The following EFHC1 variants were observed in gnomAD, a reference collection of about 807,000 sequenced individuals.
EFHC1 encodes EF-hand domain-containing protein 1.
In EFHC1, 53 loss-of-function variants were observed where a neutral mutation model predicts 69.9. The ratio of observed to expected loss-of-function variants is 0.76; its 90% CI spans 0.61 to 0.95. The LOEUF is 0.95. Ranked by LOEUF, EFHC1 falls within the 40% of genes least tolerant of loss-of-function variation. EFHC1 has a pLI of 0.00. For missense variants in EFHC1, 739 were observed against 798.7 expected, an observed-to-expected ratio of 0.93 and a Z score of 0.90; for synonymous variants, 256 against 278.4, an observed-to-expected ratio of 0.92 and a Z score of 0.80.
intron 3 of EFHC1, among the ~76,000 whole-genome samples, 196 bp from the exon 4 acceptor site, chr6:52,452,490 CAG>C (rs1764936148): frequency 6.6e-6 from 1 of 152,106 alleles, no homozygotes; most frequent in African/African-American, 2.4e-5. Flanking sequence ...TTTGTAGAAA[CAG>C]GGTCTCACTA....
rs201185118 is a variant in EFHC1, at chr6:52,420,485, T to G, written c.63+12T>G. The stretch of plus-strand genomic sequence containing the variant: ...TTAAGGACTCTACGGTGAGCAGTTA[T>G]CTGCCAGACTCCCACCTGTCCCCAC... On this transcript the variant is annotated intron_variant, in intron 1 of 10. Coordinates refer to ENST00000371068, the MANE Select transcript of EFHC1 (RefSeq NM_018100.4). The G allele has an allele frequency of 6.2e-7, 1 of 1,614,060 alleles. No homozygotes were observed. Among genetic ancestry groups the G allele is most frequent in the African/African-American group, 1.3e-5 (1 of 74,922 alleles).
chr6:52,472,659 TTTTACATACAAGAGATATGTAATATC>T, intron 7 of EFHC1, among the ~76,000 whole-genome samples: 1 of 133,208 alleles, frequency 7.5e-6, no homozygotes, highest in Admixed American at 7.9e-5. Flanking sequence ...ATGTAATATC[TTTTACATACAAGAGATATGTAATATC>T]TTTTACATAC....
intron 9 of EFHC1, among the ~76,000 whole-genome samples, chr6:52,484,922 A>G (rs962707387): frequency 6.6e-6 from 1 of 152,236 alleles, no homozygotes; most frequent in Admixed American, 6.5e-5. Context: ...AATAAAATGA[A>G]TATGAAATAA....
intron 9 of EFHC1, chr6:52,488,648 C>G (rs1028709435): frequency 6.6e-6 from 1 of 152,126 alleles, no homozygotes; most frequent in Non-Finnish European, 1.5e-5. Context: ...CTTTCATGTA[C>G]CCACTTCTTA....
chr6:52,443,622 G>C (rs988504523), intron 3 of EFHC1, among the ~76,000 whole-genome samples: 4 of 151,730 alleles, frequency 2.6e-5, no homozygotes, highest in African/African-American at 9.7e-5. Flanking sequence ...ATTTCCGAGG[G>C]CTCTGTTCTG....
At chr6:52,439,120 C>T (rs1299468900) in intron 3 of EFHC1, among the ~76,000 whole-genome samples, 2 of 152,040 alleles carry the variant, frequency 1.3e-5, no homozygotes, top group African/African-American at 4.8e-5. Flanking sequence ...GTAAAAAGTC[C>T]TCTATTTCGT....
intron 3 of EFHC1, among the ~76,000 whole-genome samples, chr6:52,442,801 G>A (rs1263924091): frequency 1.3e-5 from 2 of 152,194 alleles, no homozygotes; most frequent in African/African-American, 2.4e-5. Context: ...AATCCTTTGG[G>A]TATATGCCCA....
chr6:52,490,602 G>A, intron 10 of EFHC1: 1 of 595,736 alleles, frequency 1.7e-6, no homozygotes, highest in Non-Finnish European at 3.0e-6. Context: ...AGACCAACAT[G>A]TCAGGACTGA....
chr6:52,464,863 CT>C lies in EFHC1; in HGVS notation c.917-25del, dbSNP rs763543294. 4 of 1,590,244 alleles carry C rather than the reference CT, an allele frequency of 2.5e-6. No individual in the cohort carries two copies. In the East Asian group the frequency reaches 8.9e-5, roughly 36 times the overall value. On this transcript the variant is annotated intron_variant, in intron 5 of 10. Transcript: ENST00000371068. ...GTCTTTCTTGACACACTCATTCCTT[CT>C]TTTTTTCTCTCTAACACCATCTTAT...
intron 9 of EFHC1, chr6:52,487,881 C>G (rs751575016): frequency 3.9e-5 from 6 of 152,268 alleles, no homozygotes; most frequent in Non-Finnish European, 8.8e-5. Context: ...GCCATGTGAG[C>G]AAACCTTGCC....
intron 3 of EFHC1, among the ~76,000 whole-genome samples, chr6:52,440,490 A>G (rs138385812): frequency 5.3e-5 from 8 of 152,134 alleles, no homozygotes; most frequent in Non-Finnish European, 8.8e-5. Context: ...ATGTATATGT[A>G]TATGTATGTG....
chr6:52,424,026 C>T lies in EFHC1; in HGVS notation c.144C>T (p.Gly48=), dbSNP rs372240827. The change falls in exon 2 of 11, where the codon GGC becomes GGT. Residue 48 remains glycine (G), a synonymous_variant. Coordinates refer to ENST00000371068, the MANE Select transcript of EFHC1 (RefSeq NM_018100.4). ...AIVRRPTVGI[G]GDRLQFNQLS... is the part of the protein sequence containing the mutation. The stretch of plus-strand genomic sequence containing the variant: ...TTCGACGTCCAACAGTTGGGATAGG[C>T]GGAGACCGGCTCCAGTTCAACCAGC... The T allele has an allele frequency of 8.1e-6, 13 of 1,613,988 alleles. No homozygotes were observed. Among genetic ancestry groups the T allele is most frequent in the African/African-American group, 4.0e-5 (3 of 74,878 alleles).
chr6:52,421,845 T>C (rs941428652), intron 1 of EFHC1, among the ~76,000 whole-genome samples: 1 of 152,196 alleles, frequency 6.6e-6, no homozygotes, highest in African/African-American at 2.4e-5. Context: ...GCTTAAGCTT[T>C]TGGTGTTGGT....
chr6:52,437,659 C>A (rs1259008175), intron 2 of EFHC1: 29 of 152,392 alleles, frequency 1.9e-4, no homozygotes, highest in Admixed American at 1.9e-3. Flanking sequence ...CTTGCTATGT[C>A]TTCATGTGGC....
Position 52,479,051 on chromosome 6 carries a change from A to G in EFHC1, c.1293A>G (p.Pro431=). The change falls in exon 8 of 11, where the codon CCA becomes CCG. Residue 431 remains proline, a synonymous_variant. Transcript: ENST00000371068. The part of the protein sequence containing the change: ...RYLAVLESPI[P]EDKDRRFVFS... Reference sequence around the variant, plus strand: ...CACCTTTGTAGGAATCCCCCATCCCAGAAGACAAAGACCGCAGATTTGTCT... The same window carrying G: ...CACCTTTGTAGGAATCCCCCATCCCGGAAGACAAAGACCGCAGATTTGTCT... 1.2e-6 allele frequency: 2 copies of G among 1,613,838 alleles called. No individual in the cohort carries two copies. The highest frequency in any genetic ancestry group is 2.2e-5 in the East Asian group (1 of 44,882).
chr6:52,464,904 C>T lies in EFHC1; in HGVS notation c.926C>T (p.Pro309Leu). The T allele has an allele frequency of 6.2e-7, 1 of 1,613,866 alleles. No individual in the cohort carries two copies. Among genetic ancestry groups the T allele is most frequent in the Non-Finnish European group, 8.5e-7 (1 of 1,179,796 alleles). Reference protein sequence around the residue: ...KVLVENAKNFPQCVLEISDQE... With the variant: ...KVLVENAKNFLQCVLEISDQE... Reference sequence around the variant, plus strand: ...CACCATCTTATATTAGAGAACTTCCCTCAGTGTGTGCTAGAAATCTCTGAC... The same window carrying T: ...CACCATCTTATATTAGAGAACTTCCTTCAGTGTGTGCTAGAAATCTCTGAC... Residue 309 changes from proline (P) to leucine (L), a missense_variant, in exon 6 of 11, where the codon CCT becomes CTT. Transcript: ENST00000371068.
At chr6:52,431,620 T>TA (rs1764415689) in intron 2 of EFHC1, among the ~76,000 whole-genome samples, 1 of 152,204 alleles carries the variant, frequency 6.6e-6, no homozygotes, top group African/African-American at 2.4e-5. Flanking sequence ...TTGTGGCCTA[T>TA]CATATGGTCT....
At chr6:52,439,678 A>G (rs904370152) in intron 3 of EFHC1, among the ~76,000 whole-genome samples, 2 of 152,162 alleles carry the variant, frequency 1.3e-5, no homozygotes, top group African/African-American at 4.8e-5. Flanking sequence ...GGGGCTCTTT[A>G]TAGAGGCGGA....
intron 2 of EFHC1, among the ~76,000 whole-genome samples, chr6:52,429,141 T>A (rs950158087): frequency 2.0e-5 from 3 of 152,208 alleles, no homozygotes; most frequent in Admixed American, 6.5e-5. Flanking sequence ...ACTCTGTGGG[T>A]TGTCTGTTTA....
Sources: gnomAD v4.1 joint callset for allele counts (sites outside exome capture counted in the v4.1 genomes callset) on GRCh38, gnomAD v4.1.1 for gene constraint, MANE v1.5 for transcripts, NCBI Gene and HGNC (gene_info 2026-07-23, HGNC 2026-07-21) for gene names.